Variants in MACF1 observed in about 807,000 individuals in gnomAD.
MACF1 encodes microtubule actin crosslinking factor 1.
Under a neutral mutation model 854.8 loss-of-function variants are expected in MACF1, and 193 were observed. The observed-to-expected ratio is 0.23, with a 90% confidence interval of 0.20 to 0.25. The LOEUF is 0.25. Among genes scored for constraint, MACF1 ranks in the 10% least tolerant of loss-of-function variants. The pLI is 1.00. For missense variants in MACF1, 7,722 were observed against 8,929.1 expected, an observed-to-expected ratio of 0.86 and a Z score of 5.45; for synonymous variants, 3,185 against 3,226.7, an observed-to-expected ratio of 0.99 and a Z score of 0.44.
upstream of MACF1, among the ~76,000 whole-genome samples, chr1:39,201,292 CATT>C (rs1448280444): frequency 6.6e-6 from 1 of 152,122 alleles, no homozygotes; most frequent in Non-Finnish European, 1.5e-5. Context: ...ATTATACTGG[CATT>C]ATAGCTGGTT....
intron 2 of MACF1, among the ~76,000 whole-genome samples, chr1:39,185,912 G>A (rs555252604): frequency 6.6e-6 from 1 of 152,262 alleles, no homozygotes; most frequent in Admixed American, 6.5e-5. Context: ...TCCCTAGGGT[G>A]TATTTGATTT....
intron 2 of MACF1, among the ~76,000 whole-genome samples, chr1:39,138,192 C>T (rs1315740058): frequency 6.6e-6 from 1 of 150,764 alleles, no homozygotes; most frequent in Non-Finnish European, 1.5e-5. Context: ...TGTTGAAATA[C>T]TTTCTTGTAC....
At chr1:39,210,844 G>C (rs573401663) in intron 1 of MACF1, among the ~76,000 whole-genome samples, 1 of 152,114 alleles carries the variant, frequency 6.6e-6, no homozygotes, top group African/African-American at 2.4e-5. Context: ...GTTTATCTGG[G>C]CCTCTGTTTT....
chr1:39,272,041 C>T (rs568481502), intron 6 of MACF1, among the ~76,000 whole-genome samples: 3 of 152,310 alleles, frequency 2.0e-5, no homozygotes, highest in South Asian at 4.2e-4. Context: ...TACCTTTTCA[C>T]TGCAGACACA....
chr1:39,134,407 A>G (rs1387349726), intron 2 of MACF1, among the ~76,000 whole-genome samples: 3 of 152,086 alleles, frequency 2.0e-5, no homozygotes, highest in Admixed American at 1.3e-4. Context: ...ATTTAACAGT[A>G]CATTCTTCCT....
chr1:39,483,605 G>C (rs1250060024), intron 99 of MACF1, among the ~76,000 whole-genome samples: 1 of 152,196 alleles, frequency 6.6e-6, no homozygotes, highest in African/African-American at 2.4e-5. Flanking sequence ...TGAAGTCAAA[G>C]AGGCAGGATT....
At position 39,415,882 on chromosome 1, in the gene MACF1, C is replaced by T. The variant is rs778016401; in HGVS notation, c.15817-6492C>T. Among the ~76,000 whole-genome samples the T allele has an allele frequency of 4.6e-5, 7 of 152,236 alleles. No homozygotes were observed. The East Asian group carries it at 9.7e-4, about 21-fold the overall frequency. ...TGAGAAGATTGTTTTGATTTTACTG[C>T]GCCCCTAGGACTCAAAATAGTGCCT... On this transcript the variant is annotated intron_variant, in intron 58 of 100. Coordinates refer to ENST00000564288, the MANE Select transcript of MACF1 (RefSeq NM_001394062.1).
rs533691476 is a variant in MACF1 at position 39,162,896 on chromosome 1, T to TG, written c.221-68281dup. Among the ~76,000 whole-genome samples the TG allele has an allele frequency of 9.6e-4, 146 of 152,248 alleles. 1 individual carries two copies. The highest frequency in any genetic ancestry group is 3.3e-3 in the African/African-American group (139 of 41,542). ...ACATAGTAAGCATAAAAAGAGTATTTGGGGGAATTGAATTGAACTAAACTC... is the reference window on the plus strand; with the variant it reads ...ACATAGTAAGCATAAAAAGAGTATTTGGGGGGAATTGAATTGAACTAAACTC... On this transcript the variant is annotated intron_variant, in intron 2 of 93. Transcript: ENST00000361689.
At chr1:39,259,748 G>A (rs1047024911) in intron 6 of MACF1, among the ~76,000 whole-genome samples, 5 of 151,820 alleles carry the variant, frequency 3.3e-5, no homozygotes, top group South Asian at 2.1e-4. Flanking sequence ...TCAGCCTTCC[G>A]AGTAACTGGG....
At chr1:39,102,948 A>T (rs1642131283) in intron 2 of MACF1, 1 of 701,308 alleles carries the variant, frequency 1.4e-6, no homozygotes, top group Non-Finnish European at 2.6e-6. Flanking sequence ...GCCTTGTAAA[A>T]TTTTCTCTGT....
chr1:39,303,373 A>C (rs1451324532), intron 23 of MACF1, among the ~76,000 whole-genome samples: 3 of 152,156 alleles, frequency 2.0e-5, no homozygotes, highest in Non-Finnish European at 4.4e-5. Flanking sequence ...CAACATGGTA[A>C]AACCTCATCT....
Position 39,285,838 on chromosome 1 carries a change from G to A in MACF1, c.1508+80G>A, listed in dbSNP as rs564788119. ...GGATCAAGAGTAGAGCAAGAGTCAGGCACTTAATCTTTTAACCTGGACATT... is the reference window on the plus strand; with the variant it reads ...GGATCAAGAGTAGAGCAAGAGTCAGACACTTAATCTTTTAACCTGGACATT... On this transcript the variant is annotated intron_variant, in intron 14 of 100. Transcript: ENST00000564288. 349 of 1,502,208 alleles carry A rather than the reference G, an allele frequency of 2.3e-4. 5 individuals carry two copies. In the Middle Eastern group the frequency reaches 3.4e-3, roughly 15 times the overall value. 93.1% of individuals were successfully genotyped at this position (1,502,208 alleles called of 1,614,324 possible).
At chr1:39,386,003 C>G (rs777632230) in intron 57 of MACF1, 74 bp downstream of exon 57, 41 of 1,466,488 alleles carry the variant, frequency 2.8e-5, no homozygotes, top group Non-Finnish European at 3.7e-5. Flanking sequence ...TAGGAGTAGT[C>G]CCAAGATTCT....
At chr1:39,414,930 A>G (rs1431773735) in intron 58 of MACF1, among the ~76,000 whole-genome samples, 1 of 152,192 alleles carries the variant, frequency 6.6e-6, no homozygotes, top group Non-Finnish European at 1.5e-5. Flanking sequence ...TTAGTTAGCT[A>G]TTCTTGAGTT....
At chr1:39,097,168 C>T (rs907777024) in intron 2 of MACF1, among the ~76,000 whole-genome samples, 5 of 151,932 alleles carry the variant, frequency 3.3e-5, no homozygotes, top group South Asian at 2.1e-4. Flanking sequence ...TGAGCCACCG[C>T]GCCTGGCCTC....
chr1:39,456,868 T>C (rs1229251157), intron 89 of MACF1: 1 of 152,234 alleles, frequency 6.6e-6, no homozygotes, highest in East Asian at 1.9e-4. Context: ...GTTTTTTCAG[T>C]CTTTATTTTG....
intron 90 of MACF1, 82 bp downstream of exon 90, chr1:39,458,572 A>AT: frequency 6.8e-7 from 1 of 1,475,002 alleles, no homozygotes; most frequent in Non-Finnish European, 9.1e-7. Flanking sequence ...ATCAAAAAAA[A>AT]TTATATTCCA....
At position 39,387,746 on chromosome 1, in the gene MACF1, T is replaced by G; in HGVS notation, c.14904T>G (p.Ile4968Met). Residue 4968 changes from isoleucine (I) to methionine (M), a missense_variant, in exon 58 of 101, where the codon ATT becomes ATG. Physicochemically the swap from Ile to Met is conservative, Grantham distance 10. This residue lies in a region of MACF1 where 2,807 missense variants were observed against 3,235.8 expected (regional missense o/e 0.87). Coordinates refer to ENST00000564288, the MANE Select transcript of MACF1 (RefSeq NM_001394062.1). Reference protein sequence around the residue: ...LLEILNSAADILINSSEADED... With the variant: ...LLEILNSAADMLINSSEADED... ...AAATATTGAATAGTGCTGCTGACAT[T>G]CTGATCAATTCTTCAGAAGCAGATG... is the stretch of plus-strand genomic sequence containing the variant. 2 of 1,614,132 alleles carry G rather than the reference T, an allele frequency of 1.2e-6. No homozygotes were observed. Among genetic ancestry groups the G allele is most frequent in the Admixed American group, 3.3e-5 (2 of 60,022 alleles).
intron 27 of MACF1, among the ~76,000 whole-genome samples, chr1:39,316,175 T>C (rs1028447979): frequency 6.6e-6 from 1 of 152,234 alleles, no homozygotes; most frequent in Non-Finnish European, 1.5e-5. Flanking sequence ...CATGTATGCA[T>C]GTTCCAATGC....
Sources: gnomAD v4.1 joint callset for allele counts (sites outside exome capture counted in the v4.1 genomes callset) on GRCh38, gnomAD v4.1.1 for gene constraint, gnomAD v4.1.1 regional missense constraint, MANE v1.5 for transcripts, NCBI Gene and HGNC (gene_info 2026-07-23, HGNC 2026-07-21) for gene names.